The following RBM33 variants were observed in gnomAD, a reference collection of about 807,000 sequenced individuals.
RBM33 encodes RNA-binding protein 33.
RBM33 carries 28 observed loss-of-function variants against 132.6 expected under a neutral mutation model. That is an observed-to-expected ratio of 0.21 (90% confidence interval 0.16 to 0.29). The LOEUF (loss-of-function observed/expected upper bound fraction) is 0.29, where lower values mean the gene tolerates loss of function less well. Ranked by LOEUF, RBM33 falls within the 10% of genes least tolerant of loss-of-function variation. The pLI is 1.00. For synonymous variants in RBM33, 634 were observed against 593.0 expected (o/e 1.07, Z -1.01); for missense variants, 1,291 against 1,518.5 (o/e 0.85, Z 2.49).
At chr7:155,706,406 A>G (rs1192865302) in intron 6 of RBM33, among the ~76,000 whole-genome samples, 1 of 151,922 alleles carries the variant, frequency 6.6e-6, no homozygotes, top group Non-Finnish European at 1.5e-5. Context: ...AGGCAGGAGA[A>G]TTGCTTGAAC....
Position 155,717,826 on chromosome 7 carries a change from T to C in RBM33, c.1202-559T>C, listed in dbSNP as rs1238000148. 2.0e-5 allele frequency among the ~76,000 whole-genome samples: 3 copies of C among 152,196 alleles called. 1 individual carries two copies. Among genetic ancestry groups the C allele is most frequent in the African/African-American group, 7.2e-5 (3 of 41,440 alleles). On this transcript the variant is annotated intron_variant, in intron 8 of 17. Transcript: ENST00000401878. ...GGTGGATTGATGGAAATCCTGCTTGTTTATAAACTAAAGTAAACTAAAAGC... is the reference window on the plus strand; with the variant it reads ...GGTGGATTGATGGAAATCCTGCTTGCTTATAAACTAAAGTAAACTAAAAGC...
At chr7:155,708,954 G>T (rs10266151) in intron 7 of RBM33, among the ~76,000 whole-genome samples, 2,473 of 151,456 alleles carry the variant, frequency 0.016, 61 homozygotes, top group African/African-American at 0.056. Flanking sequence ...CCTGGATTCC[G>T]TTCTGTTCCC....
chr7:155,718,167 T>C (rs554161094), intron 8 of RBM33, among the ~76,000 whole-genome samples: 11 of 152,324 alleles, frequency 7.2e-5, no homozygotes, highest in Admixed American at 7.2e-4. Context: ...GATTTAAACT[T>C]CTGCTTGCAC....
At chr7:155,765,152 A>G (rs1480541556) in intron 15 of RBM33, among the ~76,000 whole-genome samples, 1 of 152,212 alleles carries the variant, frequency 6.6e-6, no homozygotes, top group Non-Finnish European at 1.5e-5. Context: ...ACTGAGGGTC[A>G]TGATGTTTCC....
chr7:155,667,914 G>A (rs933517913), intron 2 of RBM33, among the ~76,000 whole-genome samples: 2 of 152,088 alleles, frequency 1.3e-5, no homozygotes, highest in African/African-American at 4.8e-5. Context: ...CCATCTTCCA[G>A]TTTCACCAGT....
intron 7 of RBM33, among the ~76,000 whole-genome samples, chr7:155,709,854 A>G (rs1261758995): frequency 6.6e-6 from 1 of 152,140 alleles, no homozygotes; most frequent in Non-Finnish European, 1.5e-5. Flanking sequence ...ATCTTTTGAA[A>G]CGTCTTCTGT....
At chr7:155,663,191 A>G (rs1798702033) in intron 1 of RBM33, among the ~76,000 whole-genome samples, 1 of 141,616 alleles carries the variant, frequency 7.1e-6, no homozygotes, top group Admixed American at 7.2e-5. Flanking sequence ...TAATTCTTGG[A>G]TTTTCTTTTC....
intron 5 of RBM33, among the ~76,000 whole-genome samples, chr7:155,688,553 G>C (rs914921481): frequency 1.4e-4 from 22 of 152,042 alleles, no homozygotes; most frequent in South Asian, 4.1e-4. Context: ...CTGTCTTGTG[G>C]CAGTTTTCAA....
At chr7:155,759,705 T>C (rs1207005088) in intron 14 of RBM33, among the ~76,000 whole-genome samples, 5 of 152,222 alleles carry the variant, frequency 3.3e-5, no homozygotes, top group African/African-American at 1.2e-4. Context: ...ATTATCAAAT[T>C]ACTACAGTGT....
intron 9 of RBM33, among the ~76,000 whole-genome samples, chr7:155,735,002 G>T (rs1585504604): frequency 6.6e-6 from 1 of 152,290 alleles, no homozygotes; most frequent in Middle Eastern, 3.4e-3. Context: ...CAGCTACTCT[G>T]CAACTTACGA....
At chr7:155,734,031 G>A (rs769412333) in intron 9 of RBM33, among the ~76,000 whole-genome samples, 1 of 152,162 alleles carries the variant, frequency 6.6e-6, no homozygotes, top group African/African-American at 2.4e-5. Context: ...CTCCTTCTCC[G>A]TGACCCAGTC....
chr7:155,698,821 A>G (rs1799875264), intron 5 of RBM33, among the ~76,000 whole-genome samples: 1 of 152,218 alleles, frequency 6.6e-6, no homozygotes, highest in Admixed American at 6.5e-5. Flanking sequence ...TGATGCCTTT[A>G]TGGTTTTATC....
At position 155,739,812 on chromosome 7, in the gene RBM33, CGCACCAGCCCCCGCCCCA is replaced by C. The variant is rs1237113774; in HGVS notation, c.1848_1865del (p.Gln620_His625del). The C allele has an allele frequency of 1.7e-5, 23 of 1,343,128 alleles. No individual in the cohort carries two copies. The highest frequency in any genetic ancestry group is 1.3e-4 in the East Asian group (5 of 38,870). 83.2% of individuals were successfully genotyped at this position (1,343,128 alleles called of 1,614,324 possible). On this transcript the variant is annotated inframe_deletion, in exon 12 of 18. Transcript: ENST00000401878. ...CAGCACCAGCCTCCGCACCAGCCCC[CGCACCAGCCCCCGCCCCA>C]GCACCAGCCCCCACCCCAGCACCCA...
At chr7:155,736,700 T>C (rs1227740130) in intron 9 of RBM33, among the ~76,000 whole-genome samples, 1 of 152,244 alleles carries the variant, frequency 6.6e-6, no homozygotes, top group East Asian at 1.9e-4. Flanking sequence ...GAATTGCTGA[T>C]TGAATTTCTT....
chr7:155,646,261 ATTC>A (rs1426970986), intron 1 of RBM33, among the ~76,000 whole-genome samples: 1 of 152,158 alleles, frequency 6.6e-6, no homozygotes, highest in Non-Finnish European at 1.5e-5. Flanking sequence ...ATGCTTGTGT[ATTC>A]TTTTACGTTT....
intron 9 of RBM33, among the ~76,000 whole-genome samples, chr7:155,726,195 A>G (rs958832738): frequency 2.0e-5 from 3 of 152,226 alleles, no homozygotes; most frequent in Admixed American, 6.5e-5. Context: ...TGAAAGATTC[A>G]TGAAGTTTCA....
chr7:155,763,993 T>C lies in RBM33; in HGVS notation c.3161T>C (p.Ile1054Thr), dbSNP rs1802130957. 1.3e-6 allele frequency: 2 copies of C among 1,564,010 alleles called. No homozygotes were observed. Among genetic ancestry groups the C allele is most frequent in the Non-Finnish European group, 1.7e-6 (2 of 1,155,018 alleles). ...HSPVPPGIKS[I>T]QGIHPAKKAI... Reference sequence around the variant, plus strand: ...CCTGTCCCTCCAGGGATCAAAAGCATCCAAGGAATTCACCCGGCGAAGAAG... The same window carrying C: ...CCTGTCCCTCCAGGGATCAAAAGCACCCAAGGAATTCACCCGGCGAAGAAG... The change falls in exon 15 of 18, where the codon ATC becomes ACC. Residue 1054 changes from isoleucine (I) to threonine (T), a missense_variant. Transcript: ENST00000401878.
chr7:155,742,504 C>G (rs1801382089), intron 13 of RBM33, among the ~76,000 whole-genome samples: 1 of 152,192 alleles, frequency 6.6e-6, no homozygotes, highest in Admixed American at 6.5e-5. Flanking sequence ...TGACTGCGTT[C>G]CGGTAAAACT....
chr7:155,770,116 G>T (rs115784648), intron 16 of RBM33, among the ~76,000 whole-genome samples: 2 of 152,168 alleles, frequency 1.3e-5, no homozygotes, highest in African/African-American at 4.8e-5. Context: ...GGAGCAACGC[G>T]CCCGGGATGT....
Sources: gnomAD v4.1 joint callset for allele counts (sites outside exome capture counted in the v4.1 genomes callset) on GRCh38, gnomAD v4.1.1 for gene constraint, MANE v1.5 for transcripts, NCBI Gene and HGNC (gene_info 2026-07-23, HGNC 2026-07-21) for gene names.